MAST4: variants seen among roughly 807,000 people sequenced by gnomAD.
MAST4 encodes microtubule-associated serine/threonine-protein kinase 4.
In MAST4, 89 loss-of-function variants were observed where a neutral mutation model predicts 162.7. That is an observed-to-expected ratio of 0.55 (90% CI 0.46 to 0.65). MAST4 has a LOEUF of 0.65. MAST4 is among the 30% of genes least tolerant of loss of function. MAST4 has a pLI of 0.00. For missense variants in MAST4, 3,153 were observed against 3,374.0 expected, an observed-to-expected ratio of 0.93 and a Z score of 1.62; for synonymous variants, 1,479 against 1,361.1, an observed-to-expected ratio of 1.09 and a Z score of -1.91.
At chr5:67,045,687 C>A (rs1757281777) in intron 4 of MAST4, among the ~76,000 whole-genome samples, 1 of 152,154 alleles carries the variant, frequency 6.6e-6, no homozygotes, top group Admixed American at 6.5e-5. Flanking sequence ...TTGAGGATTG[C>A]AACCCTGAGC....
At chr5:67,069,590 C>T (rs1362682740) in intron 5 of MAST4, among the ~76,000 whole-genome samples, 4 of 152,182 alleles carry the variant, frequency 2.6e-5, no homozygotes, top group Admixed American at 6.5e-5. Flanking sequence ...ATATGCACTC[C>T]GCATTTCATC....
intron 3 of MAST4, among the ~76,000 whole-genome samples, chr5:66,882,956 A>G (rs772704116): frequency 6.6e-6 from 1 of 152,200 alleles, no homozygotes; most frequent in African/African-American, 2.4e-5. Context: ...GATTTCCTTT[A>G]CCACTTAGGA....
chr5:66,910,851 G>A (rs988921973), intron 4 of MAST4, among the ~76,000 whole-genome samples: 2 of 149,310 alleles, frequency 1.3e-5, no homozygotes, highest in Middle Eastern at 3.4e-3. Flanking sequence ...CCCTTCAGGC[G>A]ATTCTCCTGC....
intron 1 of MAST4, among the ~76,000 whole-genome samples, chr5:66,759,312 G>A (rs1753721555): frequency 6.6e-6 from 1 of 152,166 alleles, no homozygotes; most frequent in African/African-American, 2.4e-5. Flanking sequence ...GTTTTATATA[G>A]TGACCTAGGA....
At chr5:67,137,455 G>C (rs1239243195) in intron 19 of MAST4, among the ~76,000 whole-genome samples, 1 of 152,184 alleles carries the variant, frequency 6.6e-6, no homozygotes, top group Admixed American at 6.5e-5. Context: ...TCAGTGAAAA[G>C]TGCTGGCTTG....
At chr5:66,768,892 C>A (rs747726491) in intron 2 of MAST4, among the ~76,000 whole-genome samples, 1 of 151,800 alleles carries the variant, frequency 6.6e-6, no homozygotes, top group African/African-American at 2.4e-5. Context: ...AATACATTTG[C>A]TTTAAAAAAA....
At chr5:66,619,413 G>GT (rs35743982) in intron 1 of MAST4, among the ~76,000 whole-genome samples, 113,275 of 151,936 alleles carry the variant, frequency 0.75, 42,340 homozygotes, top group Middle Eastern at 0.85. Flanking sequence ...AATTCATGTT[G>GT]AATATCAATG....
chr5:67,118,007 A>G (rs1453918799), intron 12 of MAST4, among the ~76,000 whole-genome samples: 1 of 152,242 alleles, frequency 6.6e-6, no homozygotes, highest in South Asian at 2.1e-4. Context: ...TTTTGTTAGT[A>G]TGCTAAGAGC....
At chr5:66,606,122 T>G (rs1397816641) in intron 1 of MAST4, among the ~76,000 whole-genome samples, 1 of 152,212 alleles carries the variant, frequency 6.6e-6, no homozygotes, top group East Asian at 1.9e-4. Context: ...TTTTTTCTTC[T>G]TCTCTATCTA....
chr5:66,880,706 C>T (rs1235067183), intron 3 of MAST4, among the ~76,000 whole-genome samples: 2 of 152,214 alleles, frequency 1.3e-5, no homozygotes, highest in Non-Finnish European at 2.9e-5. Flanking sequence ...TCTACTCAGA[C>T]CCATACAAGT....
chr5:67,009,218 AAG>A (rs2150346650), intron 4 of MAST4, among the ~76,000 whole-genome samples: 1 of 152,246 alleles, frequency 6.6e-6, no homozygotes, highest in East Asian at 1.9e-4. Context: ...CTCAGTGAGT[AAG>A]AGAGAATTTG....
chr5:67,165,065 C>T lies in MAST4; in HGVS notation c.5886C>T (p.Ser1962=), dbSNP rs1388312286. The change falls in exon 29 of 29, where the codon TCC becomes TCT. Residue 1962 remains serine (S), a synonymous_variant. Transcript: ENST00000403625. ...RPRCPLPPEA[S]PSREKPGLRE... is the part of the protein sequence containing the mutation. Reference sequence around the variant, plus strand: ...GCTGCCCGCTCCCACCTGAAGCTTCCCCCTCAAGGGAGAAGCCAGGCCTGA... The same window carrying T: ...GCTGCCCGCTCCCACCTGAAGCTTCTCCCTCAAGGGAGAAGCCAGGCCTGA... 4 of 1,602,338 alleles carry T rather than the reference C, an allele frequency of 2.5e-6. No individual in the cohort carries two copies. Among genetic ancestry groups the T allele is most frequent in the Middle Eastern group, 3.3e-4 (2 of 6,048 alleles).
intron 1 of MAST4, among the ~76,000 whole-genome samples, chr5:66,688,523 C>A (rs2149492968): frequency 6.6e-6 from 1 of 152,198 alleles, no homozygotes; most frequent in East Asian, 1.9e-4. Flanking sequence ...TGACTGGGAC[C>A]CTGACCTATG....
chr5:66,647,831 A>G (rs1019105152), intron 1 of MAST4, among the ~76,000 whole-genome samples: 1 of 152,146 alleles, frequency 6.6e-6, no homozygotes, highest in African/African-American at 2.4e-5. Flanking sequence ...CTCTACTCTT[A>G]TTGCCTTAAA....
chr5:66,648,061 TGTGTGTGTGTGTGTGTGTGTGTGAGAGA>T (rs1168122740), intron 1 of MAST4, among the ~76,000 whole-genome samples: 1 of 131,992 alleles, frequency 7.6e-6, no homozygotes, highest in African/African-American at 3.0e-5. Flanking sequence ...TGTGTGTGTG[TGTGTGTGTGTGTGTGTGTGTGTGAGAGA>T]GAGAGAGAGA....
At chr5:66,983,589 A>G (rs914516855) in intron 4 of MAST4, among the ~76,000 whole-genome samples, 3 of 152,042 alleles carry the variant, frequency 2.0e-5, no homozygotes, top group African/African-American at 4.8e-5. Flanking sequence ...TAATCTTTCC[A>G]TGTTTGAGGA....
chr5:66,968,202 C>T (rs1416807262), intron 4 of MAST4, among the ~76,000 whole-genome samples: 3 of 152,188 alleles, frequency 2.0e-5, no homozygotes, highest in Non-Finnish European at 4.4e-5. Context: ...CTGCTTCATC[C>T]CCCAACATCT....
chr5:66,641,039 A>G (rs764751577), intron 1 of MAST4, among the ~76,000 whole-genome samples: 1 of 152,136 alleles, frequency 6.6e-6, no homozygotes, highest in Admixed American at 6.5e-5. Context: ...TCCTTCGCCC[A>G]TTGTTAAATT....
intron 4 of MAST4, among the ~76,000 whole-genome samples, chr5:66,914,450 G>T (rs1249289733): frequency 6.6e-6 from 1 of 152,218 alleles, no homozygotes; most frequent in Non-Finnish European, 1.5e-5. Flanking sequence ...GGTTCAGGGA[G>T]TAGCTCAAGT....
Sources: gnomAD v4.1 joint callset for allele counts (sites outside exome capture counted in the v4.1 genomes callset) on GRCh38, gnomAD v4.1.1 for gene constraint, MANE v1.5 for transcripts, NCBI Gene and HGNC (gene_info 2026-07-23, HGNC 2026-07-21) for gene names.